VPS8: variants seen among roughly 807,000 people sequenced by gnomAD.
The protein encoded by VPS8 is VPS8 subunit of CORVET complex.
In VPS8, 129 loss-of-function variants were observed where a neutral mutation model predicts 216.4. The observed-to-expected ratio is 0.60, with a 90% CI of 0.52 to 0.69. The LOEUF (loss-of-function observed/expected upper bound fraction) is 0.69, where lower values mean the gene tolerates loss of function less well. Among genes scored for constraint, VPS8 ranks in the 30% least tolerant of loss-of-function variants. The pLI is 0.00. For synonymous variants in VPS8, 571 were observed against 565.4 expected (o/e 1.01, Z -0.14); for missense variants, 1,531 against 1,683.5 (o/e 0.91, Z 1.59).
At chr3:184,824,871 C>A in intron 2 of VPS8, 86 bp downstream of exon 2, 68 of 1,190,808 alleles carry the variant, frequency 5.7e-5, no homozygotes, top group Non-Finnish European at 7.2e-5. Flanking sequence ...CTAAGTCTGT[C>A]ATTTTTGCAT....
At chr3:185,017,059 T>G (rs1189712541) in intron 45 of VPS8, among the ~76,000 whole-genome samples, 1 of 152,046 alleles carries the variant, frequency 6.6e-6, no homozygotes, top group Non-Finnish European at 1.5e-5. Flanking sequence ...ATATGTTGCC[T>G]TTGAGGGCTA....
rs759686569 is a variant in VPS8, at chr3:184,980,928, G to A, written c.3421-1638G>A. On this transcript the variant is annotated intron_variant, in intron 40 of 47. Coordinates refer to ENST00000625842, the MANE Select transcript of VPS8 (RefSeq NM_001009921.3). ...GAGTTTCCAGAGTTCTTTCTCATCCGTATAAGCTGGTGTATCTTTAATATT... is the reference window on the plus strand; with the variant it reads ...GAGTTTCCAGAGTTCTTTCTCATCCATATAAGCTGGTGTATCTTTAATATT... 1.7e-4 allele frequency among the ~76,000 whole-genome samples: 26 copies of A among 152,152 alleles called. 1 individual carries two copies. Among genetic ancestry groups the A allele is most frequent in the South Asian group, 6.2e-4 (3 of 4,830 alleles).
chr3:184,847,445 CAAG>C (rs1425815198), intron 8 of VPS8, among the ~76,000 whole-genome samples: 1 of 152,150 alleles, frequency 6.6e-6, no homozygotes, highest in Non-Finnish European at 1.5e-5. Context: ...CTTCTAAGCA[CAAG>C]GCATTAAGCA....
Position 185,048,682 on chromosome 3 carries a change from G to C in VPS8, c.4137+123G>C, listed in dbSNP as rs952845119. The C allele has an allele frequency of 8.8e-6, 9 of 1,024,468 alleles. 1 individual carries two copies. The South Asian group carries it at 1.2e-4, about 14-fold the overall frequency. 63.5% of individuals were successfully genotyped at this position (1,024,468 alleles called of 1,614,324 possible). ...GCCTGGAAGGTGCCCTGGCATCCCTGTTATGGCTACATGGACAACAGACCC... is the reference window on the plus strand; with the variant it reads ...GCCTGGAAGGTGCCCTGGCATCCCTCTTATGGCTACATGGACAACAGACCC... On this transcript the variant is annotated intron_variant, in intron 47 of 47. Coordinates refer to ENST00000625842, the MANE Select transcript of VPS8 (RefSeq NM_001009921.3).
chr3:184,854,038 G>C, intron 12 of VPS8, 28 bp downstream of exon 12: 1 of 1,612,706 alleles, frequency 6.2e-7, no homozygotes, highest in Non-Finnish European at 8.5e-7. Flanking sequence ...TTAAAACTCA[G>C]AACTTTTAGA....
intron 25 of VPS8, among the ~76,000 whole-genome samples, chr3:184,902,553 C>T (rs1013905221): frequency 2.6e-5 from 4 of 151,400 alleles, no homozygotes; most frequent in South Asian, 2.1e-4. Context: ...ATCTTGGAGC[C>T]GGGTGCTGTG....
At chr3:184,945,932 C>T (rs1483279793) in intron 36 of VPS8, among the ~76,000 whole-genome samples, 1 of 152,124 alleles carries the variant, frequency 6.6e-6, no homozygotes, top group Non-Finnish European at 1.5e-5. Flanking sequence ...ATGGTCCTTA[C>T]GTATTGAGTC....
chr3:184,836,888 A>G (rs1442879528), intron 5 of VPS8, among the ~76,000 whole-genome samples: 3 of 152,202 alleles, frequency 2.0e-5, no homozygotes, highest in African/African-American at 7.2e-5. Flanking sequence ...ATCCTTTTCA[A>G]AGTAGTATGA....
At chr3:185,049,814 C>A (rs1204829880) in intron 47 of VPS8, among the ~76,000 whole-genome samples, 1 of 152,160 alleles carries the variant, frequency 6.6e-6, no homozygotes, top group Non-Finnish European at 1.5e-5. Flanking sequence ...TTAGGCAGAA[C>A]CTACTAGGTT....
Position 184,870,798 on chromosome 3 carries a change from A to G in VPS8, c.1727A>G (p.His576Arg), listed in dbSNP as rs374951328. 1 of 1,610,558 alleles carries G rather than the reference A, an allele frequency of 6.2e-7. No individual in the cohort carries two copies. Among genetic ancestry groups the G allele is most frequent in the Non-Finnish European group, 8.5e-7 (1 of 1,178,278 alleles). ...GGAAAAATCCAAGTGATGGAGCAGCATTTTCAGGTACACATTGCATGTGCT... is the reference window on the plus strand; with the variant it reads ...GGAAAAATCCAAGTGATGGAGCAGCGTTTTCAGGTACACATTGCATGTGCT... ...DQGKIQVMEQ[H>R]FQDMVPVIVD... is the part of the protein sequence containing the mutation. The change falls in exon 21 of 48, where the codon CAT becomes CGT. Residue 576 changes from histidine to arginine, a missense_variant. His to Arg is a conservative substitution (Grantham distance 29, BLOSUM62 0). This residue lies in a region of VPS8 where 1,318 missense variants were observed against 1,468.4 expected (regional missense o/e 0.90). Transcript: ENST00000625842.
At chr3:184,891,310 A>C (rs186158324) in intron 22 of VPS8, among the ~76,000 whole-genome samples, 9 of 152,282 alleles carry the variant, frequency 5.9e-5, no homozygotes, top group Admixed American at 2.6e-4. Flanking sequence ...TTGTTCACTC[A>C]TGTTGTTCAA....
At chr3:184,882,284 A>C (rs139842232) in intron 21 of VPS8, 162 of 422,340 alleles carry the variant, frequency 3.8e-4, no homozygotes, top group African/African-American at 2.5e-3. Context: ...TCATGAATGG[A>C]TATTGAATTT....
intron 37 of VPS8, among the ~76,000 whole-genome samples, chr3:184,962,110 T>C (rs554638994): frequency 3.0e-4 from 46 of 152,238 alleles, no homozygotes; most frequent in Non-Finnish European, 6.2e-4. Context: ...ATCTACTTCA[T>C]TCATTTAATG....
At chr3:184,841,982 A>G (rs947252011) in intron 7 of VPS8, among the ~76,000 whole-genome samples, 4 of 152,062 alleles carry the variant, frequency 2.6e-5, no homozygotes, top group Non-Finnish European at 5.9e-5. Flanking sequence ...ATGATAATAC[A>G]TATATTTGTC....
chr3:184,949,094 C>T (rs1464754537), intron 36 of VPS8, among the ~76,000 whole-genome samples: 4 of 152,134 alleles, frequency 2.6e-5, no homozygotes, highest in Admixed American at 1.3e-4. Flanking sequence ...TTGCTTGAGC[C>T]GAGGAGTTCA....
At position 184,852,515 on chromosome 3, in the gene VPS8, A is replaced by C. The variant is rs1724498303; in HGVS notation, c.769A>C (p.Thr257Pro). Reference sequence around the variant, plus strand: ...CTCTGTTTAGTTTACAGATGATCCAACTCTTGCAATTTGCAACGACAGCGG... The same window carrying C: ...CTCTGTTTAGTTTACAGATGATCCACCTCTTGCAATTTGCAACGACAGCGG... ...ILHIKFTDDP[T>P]LAICNDSGGS... The change falls in exon 11 of 48, where the codon ACT becomes CCT. Residue 257 changes from threonine to proline, a missense_variant. Coordinates refer to ENST00000625842, the MANE Select transcript of VPS8 (RefSeq NM_001009921.3). The C allele has an allele frequency of 1.2e-6, 2 of 1,613,546 alleles. No individual in the cohort carries two copies. Among genetic ancestry groups the C allele is most frequent in the Non-Finnish European group, 1.7e-6 (2 of 1,179,678 alleles).
chr3:185,032,232 G>A (rs1003369568), intron 46 of VPS8, among the ~76,000 whole-genome samples: 1 of 151,998 alleles, frequency 6.6e-6, no homozygotes, highest in African/African-American at 2.4e-5. Flanking sequence ...TAACTAAACA[G>A]CCTAAACTAA....
In VPS8 at chr3:184,832,835, A is replaced by C. The variant is rs775372674; in HGVS notation, c.353+16A>C. On this transcript the variant is annotated intron_variant, in intron 4 of 47. Coordinates refer to ENST00000625842, the MANE Select transcript of VPS8 (RefSeq NM_001009921.3). ...ACTTAAAAAGGTAGGTATTCATGTC[A>C]ATCATACTTGCTTACAGTTGAAGTA... The C allele has an allele frequency of 6.2e-7, 1 of 1,600,958 alleles. No homozygotes were observed. The highest frequency in any genetic ancestry group is 2.2e-5 in the East Asian group (1 of 44,790).
At chr3:184,917,441 A>AT in intron 28 of VPS8, among the ~76,000 whole-genome samples, 1 of 151,112 alleles carries the variant, frequency 6.6e-6, no homozygotes, top group South Asian at 2.1e-4. Flanking sequence ...TCCTTCCTTC[A>AT]TTTTTGAGAC....
Sources: allele counts gnomAD v4.1 joint callset (sites outside exome capture counted in the v4.1 genomes callset), GRCh38; gene constraint gnomAD v4.1.1; regional missense constraint gnomAD v4.1.1; transcripts MANE v1.5; gene names NCBI Gene and HGNC (gene_info 2026-07-23, HGNC 2026-07-21).